EPPK1: variants seen among roughly 807,000 people sequenced by gnomAD.
EPPK1 encodes the protein epiplakin 1.
For missense variants in EPPK1, 3,823 were observed against 3,673.3 expected (o/e 1.04, Z -1.05); for synonymous variants, 1,862 against 1,721.2 (o/e 1.08, Z -2.03).
At chr8:143,874,049 G>A (rs1278852321) in intron 1 of EPPK1, among the ~76,000 whole-genome samples, 2 of 152,204 alleles carry the variant, frequency 1.3e-5, no homozygotes, top group Non-Finnish European at 2.9e-5. Context: ...CCCACACCCT[G>A]CCCCGGGGGC....
intron 1 of EPPK1, among the ~76,000 whole-genome samples, chr8:143,877,881 G>A (rs572411881): frequency 6.6e-6 from 1 of 152,082 alleles, no homozygotes; most frequent in Non-Finnish European, 1.5e-5. Flanking sequence ...TGCCTCCCAC[G>A]GGTCTCCAGG....
chr8:143,875,020 C>T (rs1298427831), intron 1 of EPPK1, among the ~76,000 whole-genome samples: 3 of 152,190 alleles, frequency 2.0e-5, no homozygotes, highest in African/African-American at 4.8e-5. Flanking sequence ...GCTCCATCTT[C>T]GTTCACCCAT....
Position 143,872,337 on chromosome 8 carries a change from G to C in EPPK1, c.917C>G (p.Thr306Ser). 1 of 1,604,590 alleles carries C rather than the reference G, an allele frequency of 6.2e-7. No individual in the cohort carries two copies. Among genetic ancestry groups the C allele is most frequent in the Non-Finnish European group, 8.5e-7 (1 of 1,176,350 alleles). ...GGTGCCCATTGGGAGCAGGTGCTCG[G>C]TGGCAGCCTGGAAAAAGCTCTTCTT... The part of the protein sequence containing the change: ...GHKKSFFQAA[T>S]EHLLPMGTAL... Residue 306 changes from threonine (T) to serine (S), a missense_variant, in exon 2 of 2, where the codon ACC (threonine) becomes AGC (serine). Thr to Ser is a moderately conservative substitution (Grantham distance 58). Transcript: ENST00000615648.
rs782061611 is a variant in EPPK1, at chr8:143,872,568, A to AG, written c.685dup (p.Leu229ProfsTer18). 6.2e-7 allele frequency: 1 copy of AG among 1,606,982 alleles called. No homozygotes were observed. The highest frequency in any genetic ancestry group is 8.5e-7 in the Non-Finnish European group (1 of 1,178,846). On this transcript the variant is annotated frameshift_variant, in exon 2 of 2. Transcript: ENST00000615648. LOFTEE classifies it low-confidence loss of function (END_TRUNC). ...GGAGCGGAAGGTGATCTTGAGGGGC[A>AG]GCAAGGCTAGCCCCGAGCCGGGGGC...
In EPPK1 at chr8:143,869,370, T is replaced by G. The variant is rs782198397; in HGVS notation, c.3884A>C (p.Asn1295Thr). 7 of 1,610,842 alleles carry G rather than the reference T, an allele frequency of 4.3e-6. 1 individual carries two copies. The Admixed American group carries it at 1.2e-4, about 27-fold the overall frequency. The change falls in exon 2 of 2, where the codon AAC becomes ACC. Residue 1295 changes from asparagine to threonine, a missense_variant. Physicochemically the swap from Asn to Thr is moderately conservative, Grantham distance 65. Coordinates refer to ENST00000615648, the MANE Select transcript of EPPK1 (RefSeq NM_031308.4). ...ASGFLVDPLNNQRLSVEDAVK... is the reference protein window; with the variant it reads ...ASGFLVDPLNTQRLSVEDAVK... The stretch of plus-strand genomic sequence containing the variant: ...CGCGTCCTCCACTGACAGTCTCTGG[T>G]TGTTCAGGGGGTCAACAAGGAAGCC...
chr8:143,869,735 T>C lies in EPPK1; in HGVS notation c.3519A>G (p.Pro1173=). 6.2e-7 allele frequency: 1 copy of C among 1,600,644 alleles called. No individual in the cohort carries two copies. The highest frequency in any genetic ancestry group is 8.5e-7 in the Non-Finnish European group (1 of 1,174,558). Reference sequence around the variant, plus strand: ...ACCTCTGCACAGAGGCTAGCAGCTGTGGCACAGTGGTCCTCCCCTCCTGCA... The same window carrying C: ...ACCTCTGCACAGAGGCTAGCAGCTGCGGCACAGTGGTCCTCCCCTCCTGCA... ...EDVQEGRTTV[P]QLLASVQRWV... Residue 1173 remains proline, a synonymous_variant, in exon 2 of 2, where the codon CCA becomes CCG. Coordinates refer to ENST00000615648, the MANE Select transcript of EPPK1 (RefSeq NM_031308.4).
rs1321708272 is a variant in EPPK1 at position 143,866,359 on chromosome 8, TCTC to T, written c.6892_6894del (p.Glu2298del). 53 of 732,118 alleles carry T rather than the reference TCTC, an allele frequency of 7.2e-5. No individual in the cohort carries two copies. Among genetic ancestry groups the T allele is most frequent in the Non-Finnish European group, 1.1e-4 (51 of 481,270 alleles). The allele number at this position is 732,118 out of a possible 1,614,324, so 45.4% of individuals were successfully genotyped here. On this transcript the variant is annotated inframe_deletion, in exon 2 of 2. Transcript: ENST00000615648. ...ACGGCGCGCTCGGCCGACAGCAGCT[TCTC>T]CTGGATCTCGCCGCCCACCACGCCC...
At position 143,872,118 on chromosome 8, in the gene EPPK1, T is replaced by C; in HGVS notation, c.1136A>G (p.Gln379Arg). Reference sequence around the variant, plus strand: ...GTCCACTAGCCCCTTCTTCATGGCCTGGAAAAGGGGGATTTGGGAGCCACT... The same window carrying C: ...GTCCACTAGCCCCTTCTTCATGGCCCGGAAAAGGGGGATTTGGGAGCCACT... ...PFSGSQIPLF[Q>R]AMKKGLVDRP... The change falls in exon 2 of 2, where the codon CAG (glutamine) becomes CGG (arginine). Residue 379 changes from glutamine (Q) to arginine (R), a missense_variant. Gln to Arg is a conservative substitution (Grantham distance 43). Coordinates refer to ENST00000615648, the MANE Select transcript of EPPK1 (RefSeq NM_031308.4). 6.4e-7 allele frequency: 1 copy of C among 1,562,072 alleles called. No individual in the cohort carries two copies. The highest frequency in any genetic ancestry group is 2.0e-5 in the Admixed American group (1 of 50,782).
chr8:143,867,367 C>G lies in EPPK1; in HGVS notation c.5887G>C (p.Glu1963Gln). 1.2e-6 allele frequency: 2 copies of G among 1,612,916 alleles called. No individual in the cohort carries two copies. Among genetic ancestry groups the G allele is most frequent in the Non-Finnish European group, 1.7e-6 (2 of 1,179,868 alleles). ...EAVDVGLVNEELRERLLKAER... is the reference protein window; with the variant it reads ...EAVDVGLVNEQLRERLLKAER... ...GCCTTCAGGAGCCTCTCCCGCAGCT[C>G]CTCGTTCACCAGGCCCACATCCACA... is the stretch of plus-strand genomic sequence containing the variant. Residue 1963 changes from glutamate (E) to glutamine (Q), a missense_variant, in exon 2 of 2, where the codon GAG becomes CAG. Glu to Gln is a conservative substitution (Grantham distance 29, BLOSUM62 2). Transcript: ENST00000615648.
At position 143,872,300 on chromosome 8, in the gene EPPK1, G is replaced by C. The variant is rs371861329; in HGVS notation, c.954C>G (p.Leu318=). The part of the protein sequence containing the change: ...HLLPMGTALP[L]LEAQAATHTL... Reference sequence around the variant, plus strand: ...TGTGGGTGGCAGCCTGGGCCTCTAGGAGTGGCAGCGCGGTGCCCATTGGGA... The same window carrying C: ...TGTGGGTGGCAGCCTGGGCCTCTAGCAGTGGCAGCGCGGTGCCCATTGGGA... The change falls in exon 2 of 2, where the codon CTC becomes CTG. Residue 318 remains leucine (L), a synonymous_variant. Coordinates refer to ENST00000615648, the MANE Select transcript of EPPK1 (RefSeq NM_031308.4). The C allele has an allele frequency of 8.1e-6, 13 of 1,602,846 alleles. No individual in the cohort carries two copies. In the Admixed American group the frequency reaches 1.7e-4, roughly 21 times the overall value.
chr8:143,869,868 T>TGGACCTGCTCCTCG lies in EPPK1; in HGVS notation c.3372_3385dup (p.Gln1129ProfsTer53). ...CCCCGGCACGGCCTGCAGGCTCCTC[T>TGGACCTGCTCCTCG]GGACCTGCTCCTCGGTGGGGAGGGC... On this transcript the variant is annotated frameshift_variant, in exon 2 of 2. Transcript: ENST00000615648. LOFTEE classifies it low-confidence loss of function (END_TRUNC). 1 of 1,604,412 alleles carries TGGACCTGCTCCTCG rather than the reference T, an allele frequency of 6.2e-7. No individual in the cohort carries two copies. The highest frequency in any genetic ancestry group is 8.5e-7 in the Non-Finnish European group (1 of 1,176,152).
At position 143,869,315 on chromosome 8, in the gene EPPK1, C is replaced by G. The variant is rs781938095; in HGVS notation, c.3939G>C (p.Leu1313=). Residue 1313 remains leucine, a synonymous_variant, in exon 2 of 2, where the codon CTG becomes CTC. Coordinates refer to ENST00000615648, the MANE Select transcript of EPPK1 (RefSeq NM_031308.4). ...TCTCGGCCTGCCCGAGCTGCTCACT[C>G]AGCTCCCTGCCCACCAGGCCGACCT... The part of the protein sequence containing the change: ...AVKVGLVGRE[L]SEQLGQAERA... 2 of 1,605,816 alleles carry G rather than the reference C, an allele frequency of 1.2e-6. No individual in the cohort carries two copies. The highest frequency in any genetic ancestry group is 4.5e-5 in the East Asian group (2 of 44,770).
At position 143,873,166 on chromosome 8, in the gene EPPK1, G is replaced by T. The variant is rs547847371; in HGVS notation, c.88C>A (p.Leu30Met). Residue 30 changes from leucine (L) to methionine (M), a missense_variant, in exon 2 of 2, where the codon CTG becomes ATG. Leu to Met is a conservative substitution (Grantham distance 15, BLOSUM62 2). Coordinates refer to ENST00000615648, the MANE Select transcript of EPPK1 (RefSeq NM_031308.4). Reference sequence around the variant, plus strand: ...GGCCTGGGGGGCGTGCCGGCTCCCAGCGTGGCTGCCATGGCTCTGGGTACA... The same window carrying T: ...GGCCTGGGGGGCGTGCCGGCTCCCATCGTGGCTGCCATGGCTCTGGGTACA... ...ASVPRAMAAT[L>M]GAGTPPRPQA... 5 of 1,594,174 alleles carry T rather than the reference G, an allele frequency of 3.1e-6. No individual in the cohort carries two copies. The highest frequency in any genetic ancestry group is 4.3e-6 in the Non-Finnish European group (5 of 1,172,702).
rs201602383 is a variant in EPPK1 at position 143,868,822 on chromosome 8, C to T, written c.4432G>A (p.Val1478Ile). 48 of 1,605,646 alleles carry T rather than the reference C, an allele frequency of 3.0e-5. No individual in the cohort carries two copies. Among genetic ancestry groups the T allele is most frequent in the South Asian group, 6.6e-5 (6 of 90,892 alleles). ...AGCTCCCGCCGCTTGTCAGCGCCAA[C>T]GTATTCGGAGAGCAGCAGGTCCCAG... Reference protein sequence around the residue: ...SLWDLLLSEYVGADKRRELVA... With the variant: ...SLWDLLLSEYIGADKRRELVA... The change falls in exon 2 of 2, where the codon GTT becomes ATT. Residue 1478 changes from valine to isoleucine, a missense_variant. By Grantham distance (29) the Val-to-Ile change is conservative. Transcript: ENST00000615648.
In EPPK1 at chr8:143,872,676, G is replaced by A. The variant is rs782249530; in HGVS notation, c.578C>T (p.Pro193Leu). The A allele has an allele frequency of 1.2e-6, 2 of 1,607,684 alleles. No homozygotes were observed. The highest frequency in any genetic ancestry group is 2.2e-5 in the East Asian group (1 of 44,852). Residue 193 changes from proline (P) to leucine (L), a missense_variant, in exon 2 of 2, where the codon CCT becomes CTT. Coordinates refer to ENST00000615648, the MANE Select transcript of EPPK1 (RefSeq NM_031308.4). ...ETWHKLSELE[P>L]GTGDLRFLDP... is the part of the protein sequence containing the mutation. The stretch of plus-strand genomic sequence containing the variant: ...GAGGAAGCGCAGGTCACCTGTGCCA[G>A]GCTCAAGCTCTGACAGCTTGTGCCA...
In EPPK1 at chr8:143,871,839, G is replaced by T; in HGVS notation, c.1415C>A (p.Pro472His). 6.2e-7 allele frequency: 1 copy of T among 1,612,366 alleles called. No homozygotes were observed. The highest frequency in any genetic ancestry group is 1.7e-4 in the Middle Eastern group (1 of 6,060). Reference sequence around the variant, plus strand: ...GGGTCCCTGGGGCTCCCCTCCCCGGGGTCCCCCTGAGAGTGGCAGGAAGGC... The same window carrying T: ...GGGTCCCTGGGGCTCCCCTCCCCGGTGTCCCCCTGAGAGTGGCAGGAAGGC... ...GLAFLPLSGG[P>H]RGGEPQGPPF... The change falls in exon 2 of 2, where the codon CCC becomes CAC. Residue 472 changes from proline to histidine, a missense_variant. Transcript: ENST00000615648.
chr8:143,872,872 C>A lies in EPPK1; in HGVS notation c.382G>T (p.Gly128Cys). 6.3e-7 allele frequency: 1 copy of A among 1,580,800 alleles called. No individual in the cohort carries two copies. The highest frequency in any genetic ancestry group is 1.2e-5 in the South Asian group (1 of 86,418). Residue 128 changes from glycine to cysteine, a missense_variant, in exon 2 of 2, where the codon GGT (glycine) becomes TGT (cysteine). By Grantham distance (159) the Gly-to-Cys change is radical (BLOSUM62 -3). Coordinates refer to ENST00000615648, the MANE Select transcript of EPPK1 (RefSeq NM_031308.4). ...ATTGYPDPYG[G>C]EKLALFQAIG... ...GCCTGAAAGAGGGCCAGCTTCTCAC[C>A]GCCGTAGGGGTCAGGATAGCCCGTA... is the stretch of plus-strand genomic sequence containing the variant.
rs1217295753 is a variant in EPPK1 at position 143,867,670 on chromosome 8, A to G, written c.5584T>C (p.Ser1862Pro). The G allele has an allele frequency of 6.2e-7, 1 of 1,613,456 alleles. No individual in the cohort carries two copies. Among genetic ancestry groups the G allele is most frequent in the East Asian group, 2.2e-5 (1 of 44,878 alleles). The stretch of plus-strand genomic sequence containing the variant: ...AGGGTCTTCTGATCGATGACCCTGG[A>G]GTTGAACAGGTCTGCAGCTGTCACC... Reference protein sequence around the residue: ...GEVTAADLFNSRVIDQKTLHT... With the variant: ...GEVTAADLFNPRVIDQKTLHT... The change falls in exon 2 of 2, where the codon TCC (serine) becomes CCC (proline). Residue 1862 changes from serine (S) to proline (P), a missense_variant. Ser to Pro is a moderately conservative substitution (Grantham distance 74). Transcript: ENST00000615648.
rs116816681 is a variant in EPPK1 at position 143,869,980 on chromosome 8, G to A, written c.3274C>T (p.Arg1092Cys). The change falls in exon 2 of 2, where the codon CGC becomes TGC. Residue 1092 changes from arginine to cysteine, a missense_variant. Physicochemically the swap from Arg to Cys is radical, Grantham distance 180. Coordinates refer to ENST00000615648, the MANE Select transcript of EPPK1 (RefSeq NM_031308.4). ...TCCAGGAGCTGGGCATAGCTCGTGCGCCCCTGGCCGTCCGGTGTGGGGAAG... is the reference window on the plus strand; with the variant it reads ...TCCAGGAGCTGGGCATAGCTCGTGCACCCCTGGCCGTCCGGTGTGGGGAAG... ...ETFPTPDGQG[R>C]TSYAQLLEEC... 2,137 of 1,607,032 alleles carry A rather than the reference G, an allele frequency of 1.3e-3. 11 individuals are homozygous for A. In the African/African-American group the frequency reaches 0.015, roughly 12 times the overall value.
Sources: allele counts gnomAD v4.1 joint callset (sites outside exome capture counted in the v4.1 genomes callset), GRCh38; gene constraint gnomAD v4.1.1; transcripts MANE v1.5; gene names NCBI Gene and HGNC (gene_info 2026-07-23, HGNC 2026-07-21).